The following FRRS1L variants were observed in gnomAD, a reference collection of about 807,000 sequenced individuals.
The protein encoded by FRRS1L is ferric chelate reductase 1 like, also known as DOMON domain-containing protein FRRS1L.
Under a neutral mutation model 28.6 loss-of-function variants are expected in FRRS1L, and 22 were observed. The ratio of observed to expected loss-of-function variants is 0.77; its 90% confidence interval spans 0.55 to 1.10. The LOEUF (loss-of-function observed/expected upper bound fraction) is 1.10. Ranked by LOEUF, FRRS1L falls within the 50% of genes least tolerant of loss-of-function variation. The pLI is 0.00. For synonymous variants in FRRS1L, 158 were observed against 151.4 expected, an observed-to-expected ratio of 1.04 and a Z score of -0.32; for missense variants, 380 against 386.9, an observed-to-expected ratio of 0.98 and a Z score of 0.15.
chr9:109,167,236 G>T lies in FRRS1L; in HGVS notation c.-98C>A. 2 of 1,379,626 alleles carry T rather than the reference G, an allele frequency of 1.4e-6. No individual in the cohort carries two copies. The highest frequency in any genetic ancestry group is 1.9e-6 in the Non-Finnish European group (2 of 1,062,302). 85.5% of individuals were successfully genotyped at this position (1,379,626 alleles called of 1,614,324 possible). On this transcript the variant is annotated 5_prime_UTR_variant, in exon 1 of 5. Coordinates refer to ENST00000561981, the MANE Select transcript of FRRS1L (RefSeq NM_014334.4). ...GCCTCCGCCGAGGCCACCAGCACGC[G>T]CCCGCGCAGCCGCGGAGCCTCCCGC...
chr9:109,162,897 A>C (rs1831495734), intron 1 of FRRS1L, among the ~76,000 whole-genome samples: 1 of 152,210 alleles, frequency 6.6e-6, no homozygotes, highest in South Asian at 2.1e-4. Context: ...AAAATCCTTG[A>C]TTGAGCCACA....
intron 1 of FRRS1L, among the ~76,000 whole-genome samples, chr9:109,158,504 T>C (rs140753017): frequency 4.1e-4 from 63 of 152,268 alleles, no homozygotes; most frequent in African/African-American, 1.5e-3. Context: ...TTCCCCCTCC[T>C]CTCAGCCCCT....
intron 1 of FRRS1L, among the ~76,000 whole-genome samples, chr9:109,158,063 G>T (rs117419625): frequency 0.013 from 1,994 of 152,296 alleles, 23 homozygotes; most frequent in Non-Finnish European, 0.019. Context: ...TTCTTTGAGG[G>T]TCCTTTGAAA....
chr9:109,162,338 T>C (rs1356346752), intron 1 of FRRS1L, among the ~76,000 whole-genome samples: 1 of 152,038 alleles, frequency 6.6e-6, no homozygotes, highest in Non-Finnish European at 1.5e-5. Flanking sequence ...GAAAAAGCAA[T>C]TCTACCTGTC....
chr9:109,137,249 T>G lies in FRRS1L; in HGVS notation c.*206A>C. 3.0e-6 allele frequency: 1 copy of G among 337,658 alleles called. No homozygotes were observed. Among genetic ancestry groups the G allele is most frequent in the Non-Finnish European group, 5.3e-6 (1 of 188,484 alleles). The allele number at this position is 337,658 out of a possible 1,614,324, so 20.9% of individuals were successfully genotyped here. A position where few individuals can be genotyped will look rare whatever the true frequency, so the allele number is the denominator to read the frequency against. On this transcript the variant is annotated 3_prime_UTR_variant, in exon 5 of 5. Coordinates refer to ENST00000561981, the MANE Select transcript of FRRS1L (RefSeq NM_014334.4). ...TATGTGAAAGTGCTTAGAAAAGGTG[T>G]AAGTATGTTCCAAAAGTATAGGGTC... is the stretch of plus-strand genomic sequence containing the variant.
At chr9:109,161,913 A>G (rs2118512476) in intron 1 of FRRS1L, among the ~76,000 whole-genome samples, 1 of 152,372 alleles carries the variant, frequency 6.6e-6, no homozygotes, top group South Asian at 2.1e-4. Flanking sequence ...AGTTCCACAC[A>G]GAAGCAAACT....
chr9:109,146,956 TTA>T, intron 3 of FRRS1L, 93 bp downstream of exon 3: 1 of 1,149,228 alleles, frequency 8.7e-7, no homozygotes, highest in Admixed American at 2.0e-5. Flanking sequence ...AATTTGATCA[TTA>T]TACTGCTTTG....
intron 1 of FRRS1L, among the ~76,000 whole-genome samples, chr9:109,164,543 C>T (rs373797081): frequency 3.9e-5 from 6 of 151,960 alleles, no homozygotes; most frequent in African/African-American, 1.5e-4. Context: ...GGATTACAGG[C>T]GTGCACCACC....
At position 109,131,909 on chromosome 9, in the gene FRRS1L, C is replaced by T. The variant is rs1289225534; in HGVS notation, c.*5546G>A. The T allele has an allele frequency of 6.6e-6, 1 of 151,924 alleles. No individual in the cohort carries two copies. The highest frequency in any genetic ancestry group is 1.5e-5 in the Non-Finnish European group (1 of 67,886). The allele number at this position is 151,924 out of a possible 1,614,324, so 9.4% of individuals were successfully genotyped here. On this transcript the variant is annotated 3_prime_UTR_variant, in exon 5 of 5. Coordinates refer to ENST00000561981, the MANE Select transcript of FRRS1L (RefSeq NM_014334.4). ...ATGGTACATAAGGTAGATGCCACAT[C>T]ACATGTGTAAAACACTCCCATGGTG...
At position 109,141,406 on chromosome 9, in the gene FRRS1L, C is replaced by A; in HGVS notation, c.646G>T (p.Glu216Ter). The change falls in exon 4 of 5, where the codon GAA becomes TAA. Residue 216 changes from glutamate (E) to a stop codon, truncating the protein, a stop_gained. Transcript: ENST00000561981. LOFTEE classifies it high-confidence loss of function. ...CTCAAATGCAGATCAACAATTGTTT[C>A]ATCTCTGGGAACATTCACAGGGCGT... ...FKRPVNVPRD[E>*]TIVDLHLSWY... 1.9e-6 allele frequency: 3 copies of A among 1,614,014 alleles called. No individual in the cohort carries two copies. In the East Asian group the frequency reaches 6.7e-5, roughly 36 times the overall value.
chr9:109,150,304 C>T (rs887779964), intron 1 of FRRS1L: 1 of 152,190 alleles, frequency 6.6e-6, no homozygotes, highest in African/African-American at 2.4e-5. Flanking sequence ...TGCAACCTGT[C>T]TCCTAGGTTC....
intron 1 of FRRS1L, among the ~76,000 whole-genome samples, chr9:109,159,568 G>A (rs1466915786): frequency 6.6e-6 from 1 of 152,216 alleles, no homozygotes; most frequent in Non-Finnish European, 1.5e-5. Flanking sequence ...GGGAAGCTGA[G>A]GCAGGAGAAT....
In FRRS1L at chr9:109,131,860, G is replaced by C. The variant is rs1831060659; in HGVS notation, c.*5595C>G. On this transcript the variant is annotated 3_prime_UTR_variant, in exon 5 of 5. Transcript: ENST00000561981. ...ACATCCCAGCCTTTGGCCTAGTGCAGTGGTTCTCAAACATTTTTCCATTAT... is the reference window on the plus strand; with the variant it reads ...ACATCCCAGCCTTTGGCCTAGTGCACTGGTTCTCAAACATTTTTCCATTAT... The C allele has an allele frequency of 1.3e-5, 2 of 152,236 alleles. No homozygotes were observed. The highest frequency in any genetic ancestry group is 1.3e-4 in the Admixed American group (2 of 15,276). 9.4% of individuals were successfully genotyped at this position (152,236 alleles called of 1,614,324 possible). A position where few individuals can be genotyped will look rare whatever the true frequency, so the allele number is the denominator to read the frequency against.
At chr9:109,144,793 C>T (rs975959846) in intron 3 of FRRS1L, among the ~76,000 whole-genome samples, 1 of 152,084 alleles carries the variant, frequency 6.6e-6, no homozygotes, top group African/African-American at 2.4e-5. Flanking sequence ...AAGCGATTCT[C>T]CCGCCTCAGC....
At chr9:109,149,742 G>C in intron 1 of FRRS1L, 22 bp from the exon 2 acceptor site, 1 of 1,530,836 alleles carries the variant, frequency 6.5e-7, no homozygotes, top group Non-Finnish European at 9.0e-7. Context: ...GAATAAAGAA[G>C]GGTTAGAAAA....
rs1379913016 is a variant in FRRS1L, at chr9:109,137,047, T to C, written c.*408A>G. 1 of 153,144 alleles carries C rather than the reference T, an allele frequency of 6.5e-6. No homozygotes were observed. Among genetic ancestry groups the C allele is most frequent in the East Asian group, 1.9e-4 (1 of 5,214 alleles). The allele number at this position is 153,144 out of a possible 1,614,324, so 9.5% of individuals were successfully genotyped here. The stretch of plus-strand genomic sequence containing the variant: ...TCATAGTAAAGACTGTTTTGAGACA[T>C]GATTTCTATACTTAGTTCCTTCTCT... On this transcript the variant is annotated 3_prime_UTR_variant, in exon 5 of 5. Coordinates refer to ENST00000561981, the MANE Select transcript of FRRS1L (RefSeq NM_014334.4).
chr9:109,141,097 C>G, intron 4 of FRRS1L: 1 of 554,390 alleles, frequency 1.8e-6, no homozygotes, highest in East Asian at 3.0e-5. Context: ...GCACATCACT[C>G]ATGACATACT....
At chr9:109,139,382 C>T (rs1473866599) in intron 4 of FRRS1L, 1 of 152,084 alleles carries the variant, frequency 6.6e-6, no homozygotes, top group African/African-American at 2.4e-5. Flanking sequence ...GAACTTTAGG[C>T]TAGTCTGCCA....
intron 1 of FRRS1L, chr9:109,151,213 T>A (rs1831326228): frequency 6.6e-6 from 1 of 152,240 alleles, no homozygotes; most frequent in South Asian, 2.1e-4. Context: ...TCTAGTTTTA[T>A]GCTTATTTTA....
Sources: gnomAD v4.1 joint callset for allele counts (sites outside exome capture counted in the v4.1 genomes callset) on GRCh38, gnomAD v4.1.1 for gene constraint, MANE v1.5 for transcripts, NCBI Gene and HGNC (gene_info 2026-07-23, HGNC 2026-07-21) for gene names.